Variants in CDH13 observed in about 807,000 individuals in gnomAD.
CDH13 encodes the protein cadherin-13.
A neutral mutation model predicts 63.8 loss-of-function variants in CDH13; 24 were observed. That is an observed-to-expected ratio of 0.38 (90% CI 0.27 to 0.53). CDH13 has a LOEUF of 0.53. Ranked by LOEUF, CDH13 falls within the 20% of genes least tolerant of loss-of-function variation. The pLI, the probability that CDH13 is intolerant of heterozygous loss-of-function variation, is 0.85. For missense variants in CDH13, 1,049 were observed against 903.1 expected (o/e 1.16, Z -2.07); for synonymous variants, 503 against 355.3 (o/e 1.42, Z -4.67).
intron 4 of CDH13, among the ~76,000 whole-genome samples, chr16:83,148,857 C>T (rs1232500053): frequency 1.3e-5 from 2 of 151,268 alleles, no homozygotes; most frequent in Non-Finnish European, 2.9e-5. Context: ...CCGCTTTCAG[C>T]TCCTTTTTAT....
At chr16:83,384,634 G>T (rs1423246770) in intron 6 of CDH13, among the ~76,000 whole-genome samples, 1 of 152,164 alleles carries the variant, frequency 6.6e-6, no homozygotes, top group Non-Finnish European at 1.5e-5. Context: ...ACTTGCATGT[G>T]GGTCAGCAGC....
At chr16:83,332,216 C>A (rs1369043939) in intron 5 of CDH13, among the ~76,000 whole-genome samples, 1 of 151,760 alleles carries the variant, frequency 6.6e-6, no homozygotes, top group East Asian at 1.9e-4. Flanking sequence ...GTTGTAAAAC[C>A]TGCATTTCAG....
intron 6 of CDH13, among the ~76,000 whole-genome samples, chr16:83,427,247 C>T (rs1586592): frequency 0.27 from 41,124 of 151,758 alleles, 5,872 homozygotes; most frequent in East Asian, 0.49. Flanking sequence ...AAGAAACCTT[C>T]TAGATGTGAT....
At chr16:83,121,962 T>TCTCACACACA (rs145691821) in intron 3 of CDH13, among the ~76,000 whole-genome samples, 1 of 147,412 alleles carries the variant, frequency 6.8e-6, no homozygotes, top group African/African-American at 2.5e-5. Flanking sequence ...TTTAAAACTG[T>TCTCACACACA]CACACACACA....
At chr16:83,776,114 A>G (rs1286958439) in intron 11 of CDH13, among the ~76,000 whole-genome samples, 1 of 152,198 alleles carries the variant, frequency 6.6e-6, no homozygotes, top group Non-Finnish European at 1.5e-5. Flanking sequence ...TACTAACTTC[A>G]GAAAAAGACA....
At chr16:83,335,679 C>G (rs4782773) in intron 5 of CDH13, among the ~76,000 whole-genome samples, 100 of 152,028 alleles carry the variant, frequency 6.6e-4, no homozygotes, top group African/African-American at 2.2e-3. Flanking sequence ...TGACCTAATC[C>G]GTTATGTTAT....
chr16:83,653,853 G>A (rs1034550378), intron 8 of CDH13, among the ~76,000 whole-genome samples: 12 of 152,160 alleles, frequency 7.9e-5, no homozygotes, highest in Non-Finnish European at 1.5e-4. Flanking sequence ...TGCTGTGTCC[G>A]GCATTAAGAA....
intron 8 of CDH13, among the ~76,000 whole-genome samples, chr16:83,647,740 G>A (rs764067260): frequency 2.6e-5 from 4 of 152,120 alleles, no homozygotes; most frequent in Admixed American, 6.5e-5. Context: ...TCTGTGACAC[G>A]TGAAGAATAA....
chr16:83,773,435 C>T (rs1382291338), intron 11 of CDH13, among the ~76,000 whole-genome samples: 1 of 152,122 alleles, frequency 6.6e-6, no homozygotes, highest in African/African-American at 2.4e-5. Context: ...AAATGGGAAG[C>T]AAGGACCTTC....
chr16:83,032,083 C>T lies in CDH13; in HGVS notation c.231C>T (p.Ser77=), dbSNP rs541772361. ...CGAGCCCATACTTCAAGGTGAACAG[C>T]GATGGCGGCTTAGTTGCTCTGAGAA... ...EVSSPYFKVN[S]DGGLVALRNI... The change falls in exon 3 of 14, where the codon AGC becomes AGT. Residue 77 remains serine (S), a synonymous_variant. Transcript: ENST00000567109. 1.0e-4 allele frequency: 162 copies of T among 1,612,200 alleles called. No individual in the cohort carries two copies. In the South Asian group the frequency reaches 1.2e-3, roughly 12 times the overall value.
chr16:83,330,244 A>G (rs1212770632), intron 5 of CDH13, among the ~76,000 whole-genome samples: 2 of 152,200 alleles, frequency 1.3e-5, no homozygotes, highest in African/African-American at 4.8e-5. Context: ...TGCAAGTAAA[A>G]CTAAGGAAAT....
At chr16:83,381,135 C>T (rs960378011) in intron 6 of CDH13, among the ~76,000 whole-genome samples, 1 of 152,142 alleles carries the variant, frequency 6.6e-6, no homozygotes, top group African/African-American at 2.4e-5. Flanking sequence ...ATTGTGTCCT[C>T]AATAGATGGT....
At chr16:82,876,001 G>GAA (rs774654394) in intron 2 of CDH13, among the ~76,000 whole-genome samples, 5 of 152,148 alleles carry the variant, frequency 3.3e-5, no homozygotes, top group Non-Finnish European at 7.4e-5. Flanking sequence ...ATGGATGGTG[G>GAA]CAAAAAGAGA....
intron 7 of CDH13, among the ~76,000 whole-genome samples, chr16:83,581,922 T>C (rs986810413): frequency 1.3e-5 from 2 of 152,236 alleles, no homozygotes; most frequent in African/African-American, 4.8e-5. Flanking sequence ...GTTGATCTTC[T>C]TTACAATCAT....
intron 12 of CDH13, 118 bp from the exon 13 acceptor site, chr16:83,783,136 C>G: frequency 1.4e-6 from 1 of 696,680 alleles, no homozygotes; most frequent in Non-Finnish European, 2.5e-6. Context: ...TGTAAGCATT[C>G]GCACAATTAT....
chr16:82,796,898 C>T (rs953312457), intron 1 of CDH13, among the ~76,000 whole-genome samples: 1 of 152,212 alleles, frequency 6.6e-6, no homozygotes, highest in Admixed American at 6.5e-5. Flanking sequence ...CCTATGTGTA[C>T]TGGGAGACTA....
chr16:82,771,934 C>G (rs1597523715), intron 1 of CDH13, among the ~76,000 whole-genome samples: 1 of 152,206 alleles, frequency 6.6e-6, no homozygotes, highest in African/African-American at 2.4e-5. Flanking sequence ...ATTTATAACT[C>G]TTGACCCACA....
chr16:82,737,963 G>C (rs1261544716), intron 1 of CDH13, among the ~76,000 whole-genome samples: 1 of 152,104 alleles, frequency 6.6e-6, no homozygotes, highest in Non-Finnish European at 1.5e-5. Context: ...TTGTTGATTT[G>C]TTTGTGGTAA....
chr16:83,706,544 A>G (rs572537872), intron 10 of CDH13, among the ~76,000 whole-genome samples: 1 of 152,198 alleles, frequency 6.6e-6, no homozygotes, highest in African/African-American at 2.4e-5. Context: ...GCTCTGTGGC[A>G]TGGGGAAATC....
Sources: gnomAD v4.1 joint callset for allele counts (sites outside exome capture counted in the v4.1 genomes callset) on GRCh38, gnomAD v4.1.1 for gene constraint, MANE v1.5 for transcripts, NCBI Gene and HGNC (gene_info 2026-07-23, HGNC 2026-07-21) for gene names.